Variants in SMARCA4 observed in about 807,000 individuals in gnomAD.
The protein encoded by SMARCA4 is SWI/SNF related BAF chromatin remodeling complex subunit ATPase 4.
In SMARCA4, 31 loss-of-function variants were observed where a neutral mutation model predicts 193.9. The ratio of observed to expected loss-of-function variants is 0.16; its 90% CI spans 0.12 to 0.22. The LOEUF is 0.22. Among genes scored for constraint, SMARCA4 ranks in the 10% least tolerant of loss-of-function variants. SMARCA4 has a pLI of 1.00. For synonymous variants in SMARCA4, 942 were observed against 933.1 expected (o/e 1.01, Z -0.17); for missense variants, 1,148 against 2,296.0 (o/e 0.50, Z 10.22).
chr19:10,986,836 C>T lies in SMARCA4; in HGVS notation c.761-69C>T. On this transcript the variant is annotated intron_variant, in intron 4 of 34. Transcript: ENST00000344626. This position sits in a 1 kb window ranked among gnomAD's most constrained non-coding sequence, Gnocchi z 6.7. Reference sequence around the variant, plus strand: ...GCTGTGTCCCCTGGAGCCAGGGCTGCCCACGGGGCTGGGCGCAGGCATAAA... The same window carrying T: ...GCTGTGTCCCCTGGAGCCAGGGCTGTCCACGGGGCTGGGCGCAGGCATAAA... The T allele has an allele frequency of 2.9e-6, 4 of 1,399,934 alleles. No homozygotes were observed. The highest frequency in any genetic ancestry group is 3.0e-6 in the Non-Finnish European group (3 of 987,888). The allele number at this position is 1,399,934 out of a possible 1,614,324, so 86.7% of individuals were successfully genotyped here.
chr19:11,049,720 T>C (rs1461762924), intron 30 of SMARCA4, among the ~76,000 whole-genome samples: 5 of 152,188 alleles, frequency 3.3e-5, no homozygotes, highest in African/African-American at 9.7e-5. Context: ...TGCTGGTCCA[T>C]GTGGGCTCAG....
intron 11 of SMARCA4, among the ~76,000 whole-genome samples, chr19:11,001,717 G>A (rs1316246290): frequency 6.6e-6 from 1 of 152,178 alleles, no homozygotes; most frequent in African/African-American, 2.4e-5. Context: ...TCCCTCCGCT[G>A]TGTGGACGGT....
In SMARCA4 at chr19:10,985,042, A is replaced by T. The variant is rs1215064612; in HGVS notation, c.223-231A>T. Among the ~76,000 whole-genome samples the T allele has an allele frequency of 6.6e-6, 1 of 152,142 alleles. No homozygotes were observed. The highest frequency in any genetic ancestry group is 1.5e-5 in the Non-Finnish European group (1 of 68,016). On this transcript the variant is annotated intron_variant, in intron 2 of 34. Coordinates refer to ENST00000344626, the MANE Select transcript of SMARCA4 (RefSeq NM_003072.5). The surrounding 1 kb of genome is among the most constrained non-coding windows in gnomAD (Gnocchi z 4.5). ...TAGAAGATGAGGATTGCTTGACCAC[A>T]GTCTCCCATATGCTCGTGCTCCACT...
At position 11,051,614 on chromosome 19, in the gene SMARCA4, C is replaced by T. The variant is rs138382449; in HGVS notation, c.4425-6641C>T. On this transcript the variant is annotated intron_variant, in intron 30 of 34. Coordinates refer to ENST00000344626, the MANE Select transcript of SMARCA4 (RefSeq NM_003072.5). Reference sequence around the variant, plus strand: ...CAAGCAATTCTCCTGTTTCAGCCTCCCGAGTAGCTGGGACTACAGGCATGC... The same window carrying T: ...CAAGCAATTCTCCTGTTTCAGCCTCTCGAGTAGCTGGGACTACAGGCATGC... 3.6e-3 allele frequency among the ~76,000 whole-genome samples: 550 copies of T among 151,946 alleles called. 10 individuals carry two copies. The highest frequency in any genetic ancestry group is 0.014 in the Middle Eastern group (4 of 294).
intron 9 of SMARCA4, 146 bp downstream of exon 9, chr19:10,995,147 G>C: frequency 1.3e-6 from 1 of 759,546 alleles, no homozygotes; most frequent in Admixed American, 2.0e-5. Flanking sequence ...GCGCGGGCTT[G>C]GGAGTCAGTC....
rs546314470 is a variant in SMARCA4, at chr19:10,967,472, G to A, written c.-32+6298G>A. 1.2e-3 allele frequency among the ~76,000 whole-genome samples: 174 copies of A among 151,240 alleles called. 1 individual carries two copies. The highest frequency in any genetic ancestry group is 6.8e-3 in the Middle Eastern group (2 of 294). Reference sequence around the variant, plus strand: ...ACTACAGGCGCCCGCCACCACGCCCGGCTAATTTTTTGTATTTTTAGTAGA... The same window carrying A: ...ACTACAGGCGCCCGCCACCACGCCCAGCTAATTTTTTGTATTTTTAGTAGA... On this transcript the variant is annotated intron_variant, in intron 1 of 34. Coordinates refer to ENST00000344626, the MANE Select transcript of SMARCA4 (RefSeq NM_003072.5).
At chr19:11,007,406 G>T (rs1280245842) in intron 13 of SMARCA4, among the ~76,000 whole-genome samples, 1 of 148,870 alleles carries the variant, frequency 6.7e-6, no homozygotes, top group Non-Finnish European at 1.5e-5. Flanking sequence ...CTCCAGCTTG[G>T]GCAACAGAGT....
At chr19:11,059,703 C>T (rs1260849676) in intron 32 of SMARCA4, 50 bp from the exon 33 acceptor site, 4 of 1,545,652 alleles carry the variant, frequency 2.6e-6, no homozygotes, top group Admixed American at 3.9e-5. Flanking sequence ...GCCGGGCAGG[C>T]AGCCCTCCAG....
intron 30 of SMARCA4, among the ~76,000 whole-genome samples, chr19:11,044,512 A>C (rs2075790674): frequency 6.6e-6 from 1 of 152,188 alleles, no homozygotes; most frequent in Admixed American, 6.5e-5. Context: ...TCCCAGGACT[A>C]ATCAATGTGG....
At chr19:11,052,368 C>T (rs978492550) in intron 30 of SMARCA4, among the ~76,000 whole-genome samples, 10 of 152,144 alleles carry the variant, frequency 6.6e-5, no homozygotes, top group African/African-American at 2.4e-4. Flanking sequence ...GGAGGCACCG[C>T]TGCACTCAAG....
intron 16 of SMARCA4, among the ~76,000 whole-genome samples, chr19:11,018,009 CCAGCCTTCACCA>C (rs1173716528): frequency 1.3e-5 from 2 of 152,252 alleles, no homozygotes; most frequent in African/African-American, 2.4e-5. Flanking sequence ...GGAACTCTCC[CCAGCCTTCACCA>C]CAGCCATGCG....
At chr19:11,053,206 C>T (rs1482093994) in intron 30 of SMARCA4, among the ~76,000 whole-genome samples, 3 of 151,862 alleles carry the variant, frequency 2.0e-5, no homozygotes, top group African/African-American at 7.3e-5. Context: ...TTACAAAAAA[C>T]GGAACCTAGG....
At position 11,033,551 on chromosome 19, in the gene SMARCA4, C is replaced by A. The variant is rs764975068; in HGVS notation, c.3774+34C>A. 6.6e-7 allele frequency: 1 copy of A among 1,524,962 alleles called. No homozygotes were observed. The highest frequency in any genetic ancestry group is 1.7e-5 in the Admixed American group (1 of 59,914). The allele number at this position is 1,524,962 out of a possible 1,614,324, so 94.5% of individuals were successfully genotyped here. On this transcript the variant is annotated intron_variant, in intron 26 of 34. Transcript: ENST00000344626. The surrounding 1 kb of genome is among the most constrained non-coding windows in gnomAD (Gnocchi z 9.8). ...AGCACCGGCCCCGACCCCTCCCCAGCGTGAATGGTGGACGCGTGAGCGGCT... is the reference window on the plus strand; with the variant it reads ...AGCACCGGCCCCGACCCCTCCCCAGAGTGAATGGTGGACGCGTGAGCGGCT...
Position 11,034,442 on chromosome 19 carries a change from C to G in SMARCA4, c.3951+242C>G, listed in dbSNP as rs1488899972. On this transcript the variant is annotated intron_variant, in intron 28 of 34. Transcript: ENST00000344626. The surrounding 1 kb of genome is among the most constrained non-coding windows in gnomAD (Gnocchi z 7.0). ...GCATGTGACCCGAGACCTGCCCCAC[C>G]AGCTCTGTTTTCTAACGGGCTCTCC... Among the ~76,000 whole-genome samples, 1 of 152,198 alleles carries G rather than the reference C, an allele frequency of 6.6e-6. No individual in the cohort carries two copies. Among genetic ancestry groups the G allele is most frequent in the Non-Finnish European group, 1.5e-5 (1 of 68,030 alleles).
chr19:11,024,767 G>C (rs2090129180), intron 21 of SMARCA4, among the ~76,000 whole-genome samples: 1 of 152,062 alleles, frequency 6.6e-6, no homozygotes, highest in South Asian at 2.1e-4. Flanking sequence ...TCTCCTGCAG[G>C]GGCTGCTCTG....
At position 11,033,790 on chromosome 19, in the gene SMARCA4, C is replaced by T. The variant is rs878854215; in HGVS notation, c.3798C>T (p.Ser1266=). ...AGAGCAGACACTGCAGCACGGGCAGCGGCAGTGCCAGCTTCGCCCACACTG... is the reference window on the plus strand; with the variant it reads ...AGAGCAGACACTGCAGCACGGGCAGTGGCAGTGCCAGCTTCGCCCACACTG... ...QDESRHCSTG[S]GSASFAHTAP... is the part of the protein sequence containing the mutation. Residue 1266 remains serine, a synonymous_variant, in exon 27 of 35, where the codon AGC becomes AGT. Coordinates refer to ENST00000344626, the MANE Select transcript of SMARCA4 (RefSeq NM_003072.5). The surrounding 1 kb of genome is among the most constrained non-coding windows in gnomAD (Gnocchi z 9.8). 9.0e-6 allele frequency: 7 copies of T among 779,942 alleles called. No homozygotes were observed. Among genetic ancestry groups the T allele is most frequent in the African/African-American group, 1.7e-5 (1 of 59,260 alleles). The allele number at this position is 779,942 out of a possible 1,614,324, so 48.3% of individuals were successfully genotyped here.
chr19:11,061,216 T>A lies in SMARCA4; in HGVS notation c.4912-568T>A, dbSNP rs1218468262. On this transcript the variant is annotated intron_variant, in intron 34 of 34. Transcript: ENST00000344626. ...AAAAAAAAAAAAAAATATATATATA[T>A]ATATATATATATATATATATATATA... 3.2e-3 allele frequency among the ~76,000 whole-genome samples: 349 copies of A among 109,830 alleles called. 6 individuals are homozygous for A. Among genetic ancestry groups the A allele is most frequent in the African/African-American group, 0.01 (202 of 19,974 alleles). 72.1% of individuals were successfully genotyped at this position (109,830 alleles called of 152,430 possible).
In SMARCA4 at chr19:10,966,232, C is replaced by T. The variant is rs148379748; in HGVS notation, c.-32+5058C>T. The stretch of plus-strand genomic sequence containing the variant: ...CTTCTGACCTCAGGTGACCCACCTG[C>T]CTCAGCCTCCCAAAGTGCTGGGATT... On this transcript the variant is annotated intron_variant, in intron 1 of 34. Coordinates refer to ENST00000344626, the MANE Select transcript of SMARCA4 (RefSeq NM_003072.5). Among the ~76,000 whole-genome samples, 646 of 152,188 alleles carry T rather than the reference C, an allele frequency of 4.2e-3. 2 individuals are homozygous for T. Among genetic ancestry groups the T allele is most frequent in the Middle Eastern group, 0.017 (5 of 294 alleles).
Position 11,020,068 on chromosome 19 carries a change from C to T in SMARCA4, c.2616+367C>T, listed in dbSNP as rs149725125. ...TGTCCTCCTGTCTCATTGCCTTGGC[C>T]GTCCCTCCCTGGGGCCCTGGCTTCT... On this transcript the variant is annotated intron_variant, in intron 18 of 34. Coordinates refer to ENST00000344626, the MANE Select transcript of SMARCA4 (RefSeq NM_003072.5). Among the ~76,000 whole-genome samples, 84 of 152,302 alleles carry T rather than the reference C, an allele frequency of 5.5e-4. 1 individual carries two copies. The highest frequency in any genetic ancestry group is 1.7e-3 in the African/African-American group (72 of 41,582).
Sources: gnomAD v4.1 joint callset for allele counts (sites outside exome capture counted in the v4.1 genomes callset) on GRCh38, gnomAD v4.1.1 for gene constraint, Gnocchi (gnomAD v3.1) non-coding constraint, MANE v1.5 for transcripts, NCBI Gene and HGNC (gene_info 2026-07-23, HGNC 2026-07-21) for gene names.